The following RNASE10 variants were observed in gnomAD, a reference collection of about 807,000 sequenced individuals.
The protein encoded by RNASE10 is inactive ribonuclease-like protein 10.
Under a neutral mutation model 1.1 loss-of-function variants are expected in RNASE10, and 2 were observed. The ratio of observed to expected loss-of-function variants is 1.82; its 90% CI spans 0.74 to 5.73. RNASE10 has a LOEUF of 5.73. Ranked by LOEUF, RNASE10 falls within the 30% of genes most tolerant of loss-of-function variation. RNASE10 has a pLI of 0.05. For synonymous variants in RNASE10, 97 were observed against 96.2 expected (o/e 1.01, Z -0.05); for missense variants, 276 against 263.4 (o/e 1.05, Z -0.33).
chr14:20,511,718 C>G (rs1271531949), downstream of RNASE10, among the ~76,000 whole-genome samples: 2 of 152,182 alleles, frequency 1.3e-5, no homozygotes, highest in African/African-American at 2.4e-5. Flanking sequence ...AAGAATAGAA[C>G]TCTTTTTTCT....
intron 1 of RNASE10, among the ~76,000 whole-genome samples, chr14:20,508,085 T>C (rs530777191): frequency 6.6e-6 from 1 of 152,294 alleles, no homozygotes; most frequent in African/African-American, 2.4e-5. Flanking sequence ...TCTCTCTCTC[T>C]GTAAACACAC....
intron 1 of RNASE10, among the ~76,000 whole-genome samples, chr14:20,507,580 C>A (rs1882779860): frequency 7.3e-6 from 1 of 137,312 alleles, no homozygotes; most frequent in African/African-American, 2.9e-5. Context: ...GCCAAATCCC[C>A]CTCTGCGAGA....
Position 20,508,504 on chromosome 14 carries a change from G to T in RNASE10, c.80-1963G>T, listed in dbSNP as rs1053044261. 2.6e-5 allele frequency among the ~76,000 whole-genome samples: 4 copies of T among 152,154 alleles called. No individual in the cohort carries two copies. In the South Asian group the frequency reaches 6.2e-4, roughly 24 times the overall value. On this transcript the variant is annotated intron_variant, in intron 1 of 1. Coordinates refer to ENST00000430083, the Ensembl canonical transcript of RNASE10. ...AGCTACTTAGTGGCCAATATCAGAT[G>T]CACCGTCACAGTATCTCAGCGCCTG...
chr14:20,510,701 A>G, exon 2 of RNASE10: 1 of 1,614,244 alleles, frequency 6.2e-7, no homozygotes, highest in Non-Finnish European at 8.5e-7. Flanking sequence ...GAAGTGGTGC[A>G]ACCTGGCTGG....
chr14:20,506,751 C>A (rs866396299), intron 1 of RNASE10, among the ~76,000 whole-genome samples: 1 of 125,070 alleles, frequency 8.0e-6, no homozygotes, highest in African/African-American at 3.3e-5. Flanking sequence ...CCGCCCCGTC[C>A]GGGAGGGAGG....
In RNASE10 at chr14:20,511,006, G is replaced by A. The variant is rs754479311; in HGVS notation, c.619G>A (p.Glu207Lys). The A allele has an allele frequency of 1.9e-6, 3 of 1,596,584 alleles. No individual in the cohort carries two copies. The highest frequency in any genetic ancestry group is 2.7e-5 in the African/African-American group (2 of 74,506). Residue 207 changes from glutamate (E) to lysine (K), a missense_variant, in exon 2 of 2, where the codon GAG becomes AAG. By Grantham distance (56) the Glu-to-Lys change is moderately conservative. Transcript: ENST00000430083. ...CCGACCTTTTGATTTGACATTGTGC[G>A]AGCTGTCCCAACCAGACCAGGTCAC...
upstream of RNASE10, among the ~76,000 whole-genome samples, chr14:20,505,105 A>T (rs1404195514): frequency 1.3e-5 from 2 of 151,922 alleles, no homozygotes; most frequent in Non-Finnish European, 2.9e-5. Flanking sequence ...ATGGTGCTGG[A>T]GGTCTCAGCC....
At chr14:20,507,637 A>T (rs1289191571) in intron 1 of RNASE10, among the ~76,000 whole-genome samples, 8 of 150,392 alleles carry the variant, frequency 5.3e-5, no homozygotes, top group Admixed American at 4.0e-4. Context: ...TAAATAAATA[A>T]AATTTTCAAC....
chr14:20,505,260 T>TTCTCCCTCTCCCTCTCCCTCTCCCTCTCC (rs1882662600), upstream of RNASE10, among the ~76,000 whole-genome samples: 1 of 75,582 alleles, frequency 1.3e-5, no homozygotes, highest in Non-Finnish European at 2.5e-5. Flanking sequence ...AAAGTGAGTT[T>TTCTCCCTCTCCCTCTCCCTCTCCCTCTCC]GCTCCCTCTC....
At chr14:20,507,807 G>A (rs1882791135) in intron 1 of RNASE10, among the ~76,000 whole-genome samples, 1 of 151,770 alleles carries the variant, frequency 6.6e-6, no homozygotes, top group Non-Finnish European at 1.5e-5. Context: ...GGGTGTAGCA[G>A]TTGGATCATG....
downstream of RNASE10, among the ~76,000 whole-genome samples, chr14:20,512,724 A>G (rs1321966749): frequency 6.6e-6 from 1 of 152,190 alleles, no homozygotes; most frequent in African/African-American, 2.4e-5. Context: ...AATTCTAATA[A>G]TAGTGGACAG....
At chr14:20,506,667 G>GT (rs1882733437) in intron 1 of RNASE10, among the ~76,000 whole-genome samples, 1 of 119,550 alleles carries the variant, frequency 8.4e-6, no homozygotes, top group African/African-American at 3.6e-5. Context: ...GAGGGAGGTG[G>GT]GGGGTCAGCC....
At chr14:20,511,236 TG>T (rs1882894099), downstream of RNASE10, 2 of 882,038 alleles carry the variant, frequency 2.3e-6, no homozygotes, top group Non-Finnish European at 3.2e-6. Context: ...AATTCTTCCT[TG>T]CCCTATGGGT....
chr14:20,507,996 T>C (rs968154467), intron 1 of RNASE10, among the ~76,000 whole-genome samples: 11 of 152,110 alleles, frequency 7.2e-5, no homozygotes, highest in Non-Finnish European at 1.3e-4. Flanking sequence ...GTGATCCACC[T>C]GCCTCGGTCT....
At chr14:20,510,141 G>C (rs200667485) in intron 1 of RNASE10, among the ~76,000 whole-genome samples, 1 of 145,118 alleles carries the variant, frequency 6.9e-6, no homozygotes, top group Non-Finnish European at 1.5e-5. Flanking sequence ...AAAAAAAAAA[G>C]AATCAATTGA....
At chr14:20,511,179 T>C, downstream of RNASE10, 1 of 1,288,388 alleles carries the variant, frequency 7.8e-7, no homozygotes, top group Non-Finnish European at 1.0e-6. Flanking sequence ...CTTTTTTACT[T>C]CTTCTTTCTC....
chr14:20,513,843 T>C (rs2139375061), downstream of RNASE10, among the ~76,000 whole-genome samples: 1 of 152,374 alleles, frequency 6.6e-6, no homozygotes, highest in East Asian at 1.9e-4. Context: ...ATATATACTA[T>C]TTAATTAGCC....
Position 20,506,875 on chromosome 14 carries a change from G to A in RNASE10, c.79+856G>A, listed in dbSNP as rs1454603807. On this transcript the variant is annotated intron_variant, in intron 1 of 1. Coordinates refer to ENST00000430083, the Ensembl canonical transcript of RNASE10. ...CGGGAGGTGAGGGGCGCCTCTGCCC[G>A]GCCGCCCCTACTGGGAAGTGAGGAG... Among the ~76,000 whole-genome samples the A allele has an allele frequency of 5.6e-5, 7 of 125,402 alleles. No homozygotes were observed. In the East Asian group the frequency reaches 1.2e-3, roughly 22 times the overall value. 82.3% of individuals were successfully genotyped at this position (125,402 alleles called of 152,430 possible). A position where few individuals can be genotyped will look rare whatever the true frequency, so the allele number is the denominator to read the frequency against.
At chr14:20,508,194 TAAG>T (rs925820541) in intron 1 of RNASE10, among the ~76,000 whole-genome samples, 1 of 152,228 alleles carries the variant, frequency 6.6e-6, no homozygotes, top group Non-Finnish European at 1.5e-5. Flanking sequence ...GTGCATCTCC[TAAG>T]AAGAAGGATA....
Sources: gnomAD v4.1 joint callset for allele counts (sites outside exome capture counted in the v4.1 genomes callset) on GRCh38, gnomAD v4.1.1 for gene constraint, MANE v1.5 for transcripts, NCBI Gene and HGNC (gene_info 2026-07-23, HGNC 2026-07-21) for gene names.